MAPK6: variants seen among roughly 807,000 people sequenced by gnomAD.
MAPK6 encodes the protein mitogen-activated protein kinase 6.
A neutral mutation model predicts 59.3 loss-of-function variants in MAPK6; 19 were observed. That is an observed-to-expected ratio of 0.32 (90% confidence interval 0.22 to 0.47). The LOEUF is 0.47. MAPK6 is among the 20% of genes least tolerant of loss of function. The probability of loss-of-function intolerance (pLI) is 1.00; values close to 1 mark genes in which losing one functional copy is unlikely to be tolerated. For missense variants in MAPK6, 724 were observed against 847.9 expected (o/e 0.85, Z 1.81); for synonymous variants, 316 against 290.3 (o/e 1.09, Z -0.90).
intron 2 of MAPK6, among the ~76,000 whole-genome samples, chr15:51,988,945 C>T (rs1422295938): frequency 6.6e-6 from 1 of 152,034 alleles, no homozygotes; most frequent in African/African-American, 2.4e-5. Flanking sequence ...GTGCTCGAAT[C>T]CCTGCATCTG....
intron 1 of MAPK6, among the ~76,000 whole-genome samples, chr15:51,978,623 A>C (rs545490284): frequency 1.3e-5 from 2 of 151,906 alleles, no homozygotes; most frequent in Non-Finnish European, 1.5e-5. Flanking sequence ...AAGTACGCTC[A>C]ATTTCAGAGA....
chr15:52,038,034 G>A (rs1286043292), intron 1 of MAPK6, among the ~76,000 whole-genome samples: 5 of 151,580 alleles, frequency 3.3e-5, no homozygotes, highest in Non-Finnish European at 5.9e-5. Flanking sequence ...GATGGCAAAA[G>A]AAAAGGGAGT....
At chr15:51,987,343 C>A (rs2057194044) in intron 2 of MAPK6, among the ~76,000 whole-genome samples, 1 of 152,164 alleles carries the variant, frequency 6.6e-6, no homozygotes, top group African/African-American at 2.4e-5. Context: ...CTGTGGCTCC[C>A]ACCTGTAATC....
chr15:52,024,669 A>T (rs2030685488), intron 1 of MAPK6: 1 of 151,276 alleles, frequency 6.6e-6, no homozygotes, highest in African/African-American at 2.4e-5. Flanking sequence ...CCGCCCGCCC[A>T]GCACTCCCAA....
At chr15:52,022,015 A>G (rs2030550205) in intron 1 of MAPK6, among the ~76,000 whole-genome samples, 1 of 152,142 alleles carries the variant, frequency 6.6e-6, no homozygotes, top group African/African-American at 2.4e-5. Flanking sequence ...AGGGGGAAAA[A>G]GATTGAGAAT....
intron 1 of MAPK6, chr15:52,033,956 T>C (rs1391716017): frequency 6.6e-6 from 1 of 152,106 alleles, no homozygotes; most frequent in Non-Finnish European, 1.5e-5. Context: ...TTTCCCTGGT[T>C]GCTTTTTTGT....
At chr15:52,001,451 GT>G (rs2057241603) in intron 2 of MAPK6, among the ~76,000 whole-genome samples, 1 of 149,052 alleles carries the variant, frequency 6.7e-6, no homozygotes, top group Admixed American at 6.7e-5. Flanking sequence ...CATTACCATA[GT>G]TTTGTAGTAA....
upstream of MAPK6, among the ~76,000 whole-genome samples, chr15:52,016,071 C>CGCAA (rs1491560107): frequency 1.3e-3 from 17 of 12,752 alleles, no homozygotes; most frequent in African/African-American, 2.9e-3. Flanking sequence ...CGCGCGCGCG[C>CGCAA]ACACACACAC....
Position 52,028,896 on chromosome 15 carries a change from G to A in MAPK6, c.-632+9520G>A, listed in dbSNP as rs2030917911. ...AACTACTCTAGTCAAGGTTGCCAGT[G>A]GTTTCTATTTACTAAATTAGTCTTA... On this transcript the variant is annotated intron_variant, in intron 1 of 5. Transcript: ENST00000261845. 2.0e-5 allele frequency among the ~76,000 whole-genome samples: 3 copies of A among 152,184 alleles called. No individual in the cohort carries two copies. The South Asian group carries it at 6.2e-4, about 32-fold the overall frequency.
rs371546568 is a variant in MAPK6 at position 51,990,826 on chromosome 15, C to A, written c.-770+7511C>A. Among the ~76,000 whole-genome samples the A allele has an allele frequency of 5.9e-5, 9 of 152,192 alleles. No homozygotes were observed. In the South Asian group the frequency reaches 1.9e-3, roughly 32 times the overall value. On this transcript the variant is annotated intron_variant, in intron 2 of 7. Coordinates refer to the MAPK6 transcript ENST00000691380. ...AAAATTAGCCAGGCATGGTGGCGGG[C>A]GCCTGTAGTCCCGGCTACTCGGGAG...
At chr15:52,047,074 G>T in intron 2 of MAPK6, 59 bp downstream of exon 2, 1 of 1,230,068 alleles carries the variant, frequency 8.1e-7, no homozygotes, top group Non-Finnish European at 1.1e-6. Context: ...ATCAGGAATA[G>T]GTACTTATAT....
At chr15:51,977,654 G>A (rs542516460) in intron 1 of MAPK6, among the ~76,000 whole-genome samples, 9 of 151,714 alleles carry the variant, frequency 5.9e-5, no homozygotes, top group East Asian at 1.9e-4. Context: ...CTCCCACCTC[G>A]GCCTCCTGAG....
chr15:52,019,855 C>T (rs1458981399), intron 1 of MAPK6: 1 of 152,534 alleles, frequency 6.6e-6, no homozygotes. Flanking sequence ...TGGAGTCTCG[C>T]CTTACTGGCA....
intron 2 of MAPK6, among the ~76,000 whole-genome samples, chr15:51,994,894 GTC>G (rs2057220258): frequency 6.6e-6 from 1 of 152,222 alleles, no homozygotes; most frequent in South Asian, 2.1e-4. Context: ...AAGTAAAAGA[GTC>G]TAAGGAACCA....
chr15:52,019,282 G>A lies in MAPK6; in HGVS notation c.-726G>A, dbSNP rs2030390718. The A allele has an allele frequency of 6.6e-6, 1 of 152,064 alleles. No individual in the cohort carries two copies. The highest frequency in any genetic ancestry group is 6.5e-5 in the Admixed American group (1 of 15,282). The allele number at this position is 152,064 out of a possible 1,614,324, so 9.4% of individuals were successfully genotyped here. On this transcript the variant is annotated 5_prime_UTR_variant, in exon 1 of 6. Transcript: ENST00000261845. ...GCGACTGCGGCAAAGCGAGAGCCTC[G>A]GAGACGCCGCTGCCGCCAGCACAGC... is the stretch of plus-strand genomic sequence containing the variant.
intron 2 of MAPK6, among the ~76,000 whole-genome samples, chr15:51,986,556 C>G (rs1044204915): frequency 6.6e-6 from 1 of 152,156 alleles, no homozygotes; most frequent in African/African-American, 2.4e-5. Context: ...TTATGTAATG[C>G]TTTTGTAATC....
chr15:52,035,207 CAG>C (rs1175038873), intron 1 of MAPK6, among the ~76,000 whole-genome samples: 2 of 152,208 alleles, frequency 1.3e-5, no homozygotes, highest in African/African-American at 2.4e-5. Flanking sequence ...CAGAATGTCT[CAG>C]AGGTGTTTAT....
At chr15:52,020,756 G>C (rs1208640561) in intron 1 of MAPK6, among the ~76,000 whole-genome samples, 1 of 152,224 alleles carries the variant, frequency 6.6e-6, no homozygotes, top group East Asian at 1.9e-4. Context: ...AAGGAACTTT[G>C]TCTTTAGATA....
At chr15:51,991,744 G>A (rs564434691) in intron 2 of MAPK6, among the ~76,000 whole-genome samples, 1 of 152,204 alleles carries the variant, frequency 6.6e-6, no homozygotes, top group Non-Finnish European at 1.5e-5. Context: ...TGACTTGAAC[G>A]ATATGTAGGT....
Sources: gnomAD v4.1 joint callset for allele counts (sites outside exome capture counted in the v4.1 genomes callset) on GRCh38, gnomAD v4.1.1 for gene constraint, MANE v1.5 for transcripts, NCBI Gene and HGNC (gene_info 2026-07-23, HGNC 2026-07-21) for gene names.